The following ADARB2 variants were observed in gnomAD, a reference collection of about 807,000 sequenced individuals.
ADARB2 encodes the protein adenosine deaminase RNA specific B2 (inactive).
In ADARB2, 25 loss-of-function variants were observed where a neutral mutation model predicts 62.2. The ratio of observed to expected loss-of-function variants is 0.40; its 90% confidence interval spans 0.29 to 0.56. ADARB2 has a LOEUF of 0.56. Among genes scored for constraint, ADARB2 ranks in the 20% least tolerant of loss-of-function variants. The pLI, the probability that ADARB2 is intolerant of heterozygous loss-of-function variation, is 0.43. For missense variants in ADARB2, 1,071 were observed against 1,077.4 expected (o/e 0.99, Z 0.08); for synonymous variants, 572 against 500.8 (o/e 1.14, Z -1.90).
At chr10:1,650,398 C>A (rs1320170086) in intron 1 of ADARB2, among the ~76,000 whole-genome samples, 3 of 152,156 alleles carry the variant, frequency 2.0e-5, no homozygotes, top group South Asian at 2.1e-4. Context: ...GGACCTTTGA[C>A]AAGCTAAGTA....
chr10:1,722,772 A>G (rs7921712), intron 1 of ADARB2, among the ~76,000 whole-genome samples: 87,595 of 152,018 alleles, frequency 0.58, 26,466 homozygotes, highest in South Asian at 0.76. Flanking sequence ...TACTTATTAT[A>G]TAGATATCTG....
At chr10:1,566,033 T>C (rs1018028158) in intron 1 of ADARB2, among the ~76,000 whole-genome samples, 1 of 144,530 alleles carries the variant, frequency 6.9e-6, no homozygotes, top group Admixed American at 7.1e-5. Context: ...TTCTCATCGT[T>C]ACTTCTCCTC....
intron 1 of ADARB2, among the ~76,000 whole-genome samples, chr10:1,549,663 C>G (rs1436373570): frequency 6.6e-6 from 1 of 152,164 alleles, no homozygotes; most frequent in Non-Finnish European, 1.5e-5. Flanking sequence ...GCAATGCACT[C>G]TTCCTCCTCA....
intron 1 of ADARB2, among the ~76,000 whole-genome samples, chr10:1,496,721 A>G (rs2820621): frequency 0.14 from 21,572 of 152,098 alleles, 1,936 homozygotes; most frequent in East Asian, 0.32. Context: ...CATCATCACC[A>G]TAATTAGCAT....
chr10:1,456,543 C>T (rs374218558), intron 1 of ADARB2, among the ~76,000 whole-genome samples: 2 of 152,318 alleles, frequency 1.3e-5, no homozygotes, highest in African/African-American at 4.8e-5. Context: ...GCAACCCCCA[C>T]CTCTCTCCAG....
At chr10:1,633,702 A>G (rs1341518140) in intron 1 of ADARB2, among the ~76,000 whole-genome samples, 4 of 152,078 alleles carry the variant, frequency 2.6e-5, no homozygotes, top group African/African-American at 9.7e-5. Flanking sequence ...TCTTATATTG[A>G]ATAATGCTGA....
At chr10:1,410,184 TG>T (rs993847294) in intron 1 of ADARB2, among the ~76,000 whole-genome samples, 2 of 142,672 alleles carry the variant, frequency 1.4e-5, no homozygotes, top group Admixed American at 1.4e-4. Context: ...GGCCTGGTCG[TG>T]GTCATGGGGA....
chr10:1,538,657 C>T (rs1832365429), intron 1 of ADARB2, among the ~76,000 whole-genome samples: 1 of 152,196 alleles, frequency 6.6e-6, no homozygotes, highest in Admixed American at 6.5e-5. Flanking sequence ...ATGGACGTGG[C>T]CTGGGTGAGG....
chr10:1,507,957 G>T (rs1011580313), intron 1 of ADARB2, among the ~76,000 whole-genome samples: 1 of 152,146 alleles, frequency 6.6e-6, no homozygotes, highest in African/African-American at 2.4e-5. Context: ...CGTGGTCAGG[G>T]CTGTTCTTTA....
At chr10:1,286,394 C>T (rs967254422) in intron 3 of ADARB2, among the ~76,000 whole-genome samples, 1 of 152,172 alleles carries the variant, frequency 6.6e-6, no homozygotes, top group African/African-American at 2.4e-5. Context: ...TGTTTTCTGA[C>T]AATTACAATA....
chr10:1,698,423 A>G (rs540439623), intron 1 of ADARB2, among the ~76,000 whole-genome samples: 61 of 152,316 alleles, frequency 4.0e-4, no homozygotes, highest in African/African-American at 1.3e-3. Context: ...TGCACAGAGC[A>G]TGGGGGAGAG....
intron 7 of ADARB2, among the ~76,000 whole-genome samples, chr10:1,207,316 G>A (rs1837081522): frequency 6.6e-6 from 1 of 152,194 alleles, no homozygotes; most frequent in Admixed American, 6.5e-5. Flanking sequence ...ATGCACTCTA[G>A]CCTGGGTGAC....
chr10:1,463,082 G>A (rs1001302499), intron 1 of ADARB2, among the ~76,000 whole-genome samples: 5 of 152,208 alleles, frequency 3.3e-5, no homozygotes, highest in African/African-American at 1.2e-4. Context: ...TAAGTGAGCG[G>A]AGCATAGTAA....
chr10:1,335,273 G>A (rs540141912), intron 3 of ADARB2, among the ~76,000 whole-genome samples: 1 of 148,946 alleles, frequency 6.7e-6, no homozygotes, highest in Non-Finnish European at 1.5e-5. Flanking sequence ...GAAGGATGGA[G>A]GAAAGAATGG....
At chr10:1,708,036 T>G (rs1834910909) in intron 1 of ADARB2, among the ~76,000 whole-genome samples, 1 of 152,216 alleles carries the variant, frequency 6.6e-6, no homozygotes, top group South Asian at 2.1e-4. Flanking sequence ...AATGACACGG[T>G]AGCTTGTGCT....
At chr10:1,596,009 C>T (rs780610178) in intron 1 of ADARB2, among the ~76,000 whole-genome samples, 44 of 152,320 alleles carry the variant, frequency 2.9e-4, no homozygotes, top group South Asian at 1.0e-3. Flanking sequence ...TCTGTTTCCA[C>T]TTGTGGCCAG....
intron 3 of ADARB2, among the ~76,000 whole-genome samples, chr10:1,328,620 G>A (rs1234066796): frequency 6.6e-6 from 1 of 152,070 alleles, no homozygotes; most frequent in African/African-American, 2.4e-5. Flanking sequence ...CAGAACAGAG[G>A]GGATGGGATT....
chr10:1,462,673 G>A (rs1218663817), intron 1 of ADARB2, among the ~76,000 whole-genome samples: 1 of 152,032 alleles, frequency 6.6e-6, no homozygotes, highest in African/African-American at 2.4e-5. Flanking sequence ...GTATGTGCCT[G>A]TGTGTATGTG....
intron 1 of ADARB2, among the ~76,000 whole-genome samples, chr10:1,521,906 GC>G (rs1008375242): frequency 2.0e-5 from 3 of 151,872 alleles, no homozygotes; most frequent in Non-Finnish European, 4.4e-5. Context: ...ACCAAGCTGC[GC>G]CCCGACCACC....
Sources: gnomAD v4.1 joint callset for allele counts (sites outside exome capture counted in the v4.1 genomes callset) on GRCh38, gnomAD v4.1.1 for gene constraint, MANE v1.5 for transcripts, NCBI Gene and HGNC (gene_info 2026-07-23, HGNC 2026-07-21) for gene names.